The following JMJD1C variants were observed in gnomAD, a reference collection of about 807,000 sequenced individuals.
JMJD1C encodes jumonji domain-containing protein 1C.
In JMJD1C, 31 loss-of-function variants were observed where a neutral mutation model predicts 245.3. The ratio of observed to expected loss-of-function variants is 0.13; its 90% CI spans 0.09 to 0.17. The LOEUF is 0.17. JMJD1C is among the 10% of genes least tolerant of loss of function. The pLI is 1.00. For missense variants in JMJD1C, 2,691 were observed against 3,000.2 expected (o/e 0.90, Z 2.41); for synonymous variants, 1,057 against 1,017.4 (o/e 1.04, Z -0.74).
intron 2 of JMJD1C, among the ~76,000 whole-genome samples, chr10:63,353,937 TTC>T (rs1231393069): frequency 2.0e-5 from 3 of 151,994 alleles, no homozygotes; most frequent in African/African-American, 2.4e-5. Context: ...GCCTCCCAGG[TTC>T]AAGCAATTCT....
upstream of JMJD1C, chr10:63,465,998 C>A (rs1243622266): frequency 1.8e-5 from 5 of 278,804 alleles, 1 homozygote; most frequent in Admixed American, 1.7e-4. Context: ...CCTCCCCGGG[C>A]AGCGGCGGCG....
chr10:63,376,790 G>A (rs1347290351), intron 2 of JMJD1C, among the ~76,000 whole-genome samples: 1 of 152,182 alleles, frequency 6.6e-6, no homozygotes, highest in African/African-American at 2.4e-5. Flanking sequence ...TGGTGAGGAT[G>A]TAAAGAAACT....
intron 2 of JMJD1C, among the ~76,000 whole-genome samples, chr10:63,284,421 C>T (rs1857744504): frequency 6.6e-6 from 1 of 152,112 alleles, no homozygotes; most frequent in South Asian, 2.1e-4. Context: ...CTGAAGAATC[C>T]TGAAAGCCTG....
intron 1 of JMJD1C, among the ~76,000 whole-genome samples, chr10:63,465,078 T>A (rs1467687344): frequency 6.6e-6 from 1 of 152,228 alleles, no homozygotes; most frequent in Non-Finnish European, 1.5e-5. Context: ...CTATGAAGAC[T>A]TTTCCAAGAA....
chr10:63,334,846 T>C (rs1303059115), intron 2 of JMJD1C, among the ~76,000 whole-genome samples: 1 of 152,004 alleles, frequency 6.6e-6, no homozygotes, highest in African/African-American at 2.4e-5. Context: ...GTAGTGGGAC[T>C]ACAGGTGCGC....
chr10:63,475,745 C>G (rs1437349031), intron 1 of JMJD1C, among the ~76,000 whole-genome samples: 1 of 152,154 alleles, frequency 6.6e-6, no homozygotes, highest in Non-Finnish European at 1.5e-5. Flanking sequence ...CCAAGTAACA[C>G]CTAAGTAAGA....
chr10:63,424,497 C>CTTTTTTTTTTTTTTTTTTT (rs59823871), intron 1 of JMJD1C, among the ~76,000 whole-genome samples: 2 of 103,354 alleles, frequency 1.9e-5, no homozygotes, highest in African/African-American at 3.6e-5. Flanking sequence ...ATTATTATTT[C>CTTTTTTTTTTTTTTTTTTT]TTTTTTTTTT....
intron 2 of JMJD1C, among the ~76,000 whole-genome samples, chr10:63,281,164 TC>T (rs1253739332): frequency 7.2e-6 from 1 of 139,000 alleles, no homozygotes; most frequent in Non-Finnish European, 1.5e-5. Flanking sequence ...GGAGTCTCGC[TC>T]GCTCTGTCGC....
At chr10:63,188,593 TG>T (rs1487599601) in intron 18 of JMJD1C, among the ~76,000 whole-genome samples, 1 of 152,242 alleles carries the variant, frequency 6.6e-6, no homozygotes, top group African/African-American at 2.4e-5. Context: ...ACACTTAATT[TG>T]TTCATAATTT....
chr10:63,437,397 T>C (rs528131357), intron 1 of JMJD1C, among the ~76,000 whole-genome samples: 1 of 152,296 alleles, frequency 6.6e-6, no homozygotes, highest in Admixed American at 6.5e-5. Context: ...TCTCACTACC[T>C]AGCTACCTAC....
rs545631332 is a variant in JMJD1C, at chr10:63,285,698, C to T, written c.334-20934G>A. On this transcript the variant is annotated intron_variant, in intron 2 of 25. Coordinates refer to ENST00000399262, the MANE Select transcript of JMJD1C (RefSeq NM_032776.3). ...TGGTGTGTGCCTCTAGTCCCAGCTACTCAGGAGGCTGAGTTGGGAGAATCA... is the reference window on the plus strand; with the variant it reads ...TGGTGTGTGCCTCTAGTCCCAGCTATTCAGGAGGCTGAGTTGGGAGAATCA... 2.6e-5 allele frequency among the ~76,000 whole-genome samples: 4 copies of T among 152,224 alleles called. No homozygotes were observed. In the South Asian group the frequency reaches 8.3e-4, roughly 32 times the overall value.
At chr10:63,310,172 A>T (rs1307400789) in intron 2 of JMJD1C, among the ~76,000 whole-genome samples, 1 of 152,204 alleles carries the variant, frequency 6.6e-6, no homozygotes, top group Non-Finnish European at 1.5e-5. Context: ...AACAAATGAG[A>T]CATAAATACT....
intron 1 of JMJD1C, among the ~76,000 whole-genome samples, chr10:63,385,568 T>C (rs1947531975): frequency 6.6e-6 from 1 of 151,448 alleles, no homozygotes; most frequent in African/African-American, 2.4e-5. Context: ...CTCCCAAGCA[T>C]CTGGGACTAC....
intron 1 of JMJD1C, among the ~76,000 whole-genome samples, chr10:63,439,159 C>T (rs1028073416): frequency 1.3e-5 from 2 of 152,142 alleles, no homozygotes; most frequent in African/African-American, 2.4e-5. Flanking sequence ...TGTGTGAAAA[C>T]GGTCTTCAAA....
At chr10:63,177,584 C>T in intron 23 of JMJD1C, 133 bp downstream of exon 23, 5 of 883,166 alleles carry the variant, frequency 5.7e-6, no homozygotes, top group Non-Finnish European at 8.8e-6. Flanking sequence ...TGACTTTCAA[C>T]AAAAACTCCC....
intron 1 of JMJD1C, among the ~76,000 whole-genome samples, chr10:63,504,706 GC>G (rs752856793): frequency 6.6e-6 from 1 of 152,076 alleles, no homozygotes; most frequent in African/African-American, 2.4e-5. Context: ...CACTAAAAAG[GC>G]CACTCTGCTT....
At chr10:63,271,408 C>A (rs1856281332) in intron 2 of JMJD1C, among the ~76,000 whole-genome samples, 1 of 151,784 alleles carries the variant, frequency 6.6e-6, no homozygotes, top group Admixed American at 6.6e-5. Flanking sequence ...GGATCCCTGG[C>A]CTCAAATGAT....
chr10:63,205,145 C>G, intron 10 of JMJD1C: 1 of 459,370 alleles, frequency 2.2e-6, no homozygotes, highest in Middle Eastern at 1.1e-3. Flanking sequence ...GCTGTTGCCA[C>G]AAAGGATATA....
chr10:63,519,079 T>C (rs569157821), intron 1 of JMJD1C, among the ~76,000 whole-genome samples: 1 of 152,330 alleles, frequency 6.6e-6, no homozygotes, highest in South Asian at 2.1e-4. Flanking sequence ...TAGCACATAG[T>C]AGGTGGTTTC....
Sources: allele counts gnomAD v4.1 joint callset (sites outside exome capture counted in the v4.1 genomes callset), GRCh38; gene constraint gnomAD v4.1.1; transcripts MANE v1.5; gene names NCBI Gene and HGNC (gene_info 2026-07-23, HGNC 2026-07-21).